Variants in MKLN1 observed in about 807,000 individuals in gnomAD.
The protein encoded by MKLN1 is muskelin 1.
In MKLN1, 18 loss-of-function variants were observed where a neutral mutation model predicts 99.0. That is an observed-to-expected ratio of 0.18 (90% CI 0.13 to 0.27). The LOEUF (loss-of-function observed/expected upper bound fraction) is 0.27. Ranked by LOEUF, MKLN1 falls within the 10% of genes least tolerant of loss-of-function variation. MKLN1 has a pLI of 1.00. For synonymous variants in MKLN1, 288 were observed against 293.2 expected, an observed-to-expected ratio of 0.98 and a Z score of 0.18; for missense variants, 621 against 875.9, an observed-to-expected ratio of 0.71 and a Z score of 3.67.
At chr7:131,144,866 A>C (rs1795794622) in intron 2 of MKLN1, among the ~76,000 whole-genome samples, 1 of 152,028 alleles carries the variant, frequency 6.6e-6, no homozygotes, top group South Asian at 2.1e-4. Context: ...AATCCCAGCT[A>C]CTCAGGAGGC....
chr7:131,345,453 T>G (rs184856327), intron 1 of MKLN1, among the ~76,000 whole-genome samples: 1 of 152,202 alleles, frequency 6.6e-6, no homozygotes, highest in Admixed American at 6.5e-5. Flanking sequence ...GTAACAGAAA[T>G]TCCTTCAGCT....
chr7:131,391,761 C>T (rs1391235207), intron 4 of MKLN1, among the ~76,000 whole-genome samples: 3 of 152,062 alleles, frequency 2.0e-5, no homozygotes, highest in Non-Finnish European at 2.9e-5. Flanking sequence ...AATTCTGTTC[C>T]AGTTTGTGGA....
intron 3 of MKLN1, among the ~76,000 whole-genome samples, chr7:131,288,727 G>C (rs1020727446): frequency 6.6e-6 from 1 of 152,120 alleles, no homozygotes; most frequent in Non-Finnish European, 1.5e-5. Context: ...TTATCTGCTA[G>C]TATTGTGACT....
chr7:131,231,333 A>G lies in MKLN1; in HGVS notation c.-179+28359A>G, dbSNP rs1371472610. ...ATAGTTGGGACAAAGCACTTCAGGT[A>G]CAACCCCAATTCTCGTTTCTTCCCC... On this transcript the variant is annotated intron_variant, in intron 3 of 7. Transcript: ENST00000416992. Among the ~76,000 whole-genome samples the G allele has an allele frequency of 2.6e-5, 4 of 152,108 alleles. No homozygotes were observed. The East Asian group carries it at 7.7e-4, about 29-fold the overall frequency.
At chr7:131,346,389 G>T (rs1158576315) in intron 1 of MKLN1, among the ~76,000 whole-genome samples, 2 of 152,182 alleles carry the variant, frequency 1.3e-5, no homozygotes, top group East Asian at 1.9e-4. Flanking sequence ...GGGCGTGATG[G>T]TGCACACCTG....
intron 1 of MKLN1, among the ~76,000 whole-genome samples, chr7:131,329,333 TG>T (rs1240987475): frequency 6.6e-6 from 1 of 152,240 alleles, no homozygotes; most frequent in Admixed American, 6.5e-5. Flanking sequence ...ACCTGTGGTT[TG>T]ATCTGGCCTG....
intron 2 of MKLN1, among the ~76,000 whole-genome samples, chr7:131,191,222 C>T (rs561677683): frequency 3.9e-5 from 6 of 152,356 alleles, no homozygotes; most frequent in South Asian, 4.1e-4. Flanking sequence ...AGATGCTCCA[C>T]GCAAGTCTGG....
At chr7:131,373,784 C>CTA (rs1793543656) in intron 1 of MKLN1, among the ~76,000 whole-genome samples, 1 of 152,188 alleles carries the variant, frequency 6.6e-6, no homozygotes, top group African/African-American at 2.4e-5. Flanking sequence ...CATTGGTACA[C>CTA]TACTATTAAC....
intron 3 of MKLN1, among the ~76,000 whole-genome samples, chr7:131,235,550 C>T (rs1175008364): frequency 6.6e-6 from 1 of 152,134 alleles, no homozygotes; most frequent in East Asian, 1.9e-4. Flanking sequence ...CTTCAGCCTC[C>T]ATATGACGAT....
intron 3 of MKLN1, among the ~76,000 whole-genome samples, chr7:131,260,534 G>T (rs1056407536): frequency 4.6e-5 from 7 of 152,086 alleles, no homozygotes; most frequent in Non-Finnish European, 8.8e-5. Flanking sequence ...CATTAAAATG[G>T]CCACACTGCC....
chr7:131,456,838 C>A lies in MKLN1; in HGVS notation c.1526-6379C>A, dbSNP rs1268442230. On this transcript the variant is annotated intron_variant, in intron 12 of 17. Transcript: ENST00000352689. The stretch of plus-strand genomic sequence containing the variant: ...CCAGTTAAGGCCTGGCCTTTGAGTC[C>A]TCTCCAATATATCTTACCAGAAAGA... Among the ~76,000 whole-genome samples the A allele has an allele frequency of 2.0e-5, 3 of 151,998 alleles. No homozygotes were observed. In the East Asian group the frequency reaches 5.8e-4, roughly 29 times the overall value.
intron 3 of MKLN1, among the ~76,000 whole-genome samples, chr7:131,209,446 G>A (rs1796867560): frequency 6.6e-6 from 1 of 152,186 alleles, no homozygotes; most frequent in African/African-American, 2.4e-5. Context: ...TGGGGTGTAT[G>A]TGGAAGGCAG....
intron 1 of MKLN1, among the ~76,000 whole-genome samples, chr7:131,117,357 G>A (rs1795293438): frequency 6.6e-6 from 1 of 151,922 alleles, no homozygotes. Context: ...TTGAACCCGG[G>A]AGGCAGAGAT....
chr7:131,379,536 C>T (rs1291022535), intron 2 of MKLN1, among the ~76,000 whole-genome samples: 29 of 151,748 alleles, frequency 1.9e-4, no homozygotes, highest in Admixed American at 1.9e-3. Flanking sequence ...CCACTAAGCA[C>T]AGATAGAAAA....
chr7:131,319,256 T>C (rs904651585), intron 3 of MKLN1, among the ~76,000 whole-genome samples: 1 of 152,206 alleles, frequency 6.6e-6, no homozygotes, highest in African/African-American at 2.4e-5. Context: ...CACAATCAAG[T>C]TGGCTTCATC....
At chr7:131,329,870 T>TA (rs1799019604) in intron 1 of MKLN1, among the ~76,000 whole-genome samples, 1 of 152,258 alleles carries the variant, frequency 6.6e-6, no homozygotes, top group Admixed American at 6.5e-5. Context: ...CTCAAGTACA[T>TA]ACATAAAATA....
intron 7 of MKLN1, among the ~76,000 whole-genome samples, chr7:131,412,495 T>C (rs1417896985): frequency 6.6e-6 from 1 of 152,244 alleles, no homozygotes; most frequent in Admixed American, 6.5e-5. Context: ...AAATTAGGTA[T>C]TTATATTGAA....
At chr7:131,319,486 C>T (rs1798732179) in intron 3 of MKLN1, among the ~76,000 whole-genome samples, 1 of 152,170 alleles carries the variant, frequency 6.6e-6, no homozygotes, top group Non-Finnish European at 1.5e-5. Context: ...TAGCCAAGAT[C>T]ATACTGAATG....
At chr7:131,469,068 C>G (rs1210512468) in intron 15 of MKLN1, among the ~76,000 whole-genome samples, 1 of 152,110 alleles carries the variant, frequency 6.6e-6, no homozygotes. Context: ...CTGCTTCTTT[C>G]TCCATCTGCT....
Sources: allele counts gnomAD v4.1 joint callset (sites outside exome capture counted in the v4.1 genomes callset), GRCh38; gene constraint gnomAD v4.1.1; transcripts MANE v1.5; gene names NCBI Gene and HGNC (gene_info 2026-07-23, HGNC 2026-07-21).